Variants in CNTN5 observed in about 807,000 individuals in gnomAD.
The protein encoded by CNTN5 is contactin 5.
In CNTN5, 77 loss-of-function variants were observed where a neutral mutation model predicts 129.1. The ratio of observed to expected loss-of-function variants is 0.60; its 90% CI spans 0.50 to 0.72. The LOEUF (loss-of-function observed/expected upper bound fraction) is 0.72, where lower values mean the gene tolerates loss of function less well. CNTN5 is among the 30% of genes least tolerant of loss of function. The pLI, the probability that CNTN5 is intolerant of heterozygous loss-of-function variation, is 0.00. For missense variants in CNTN5, 1,478 were observed against 1,328.8 expected, an observed-to-expected ratio of 1.11 and a Z score of -1.75; for synonymous variants, 509 against 465.6, an observed-to-expected ratio of 1.09 and a Z score of -1.20.
At chr11:99,879,571 G>A (rs989861565) in intron 6 of CNTN5, among the ~76,000 whole-genome samples, 1 of 152,052 alleles carries the variant, frequency 6.6e-6, no homozygotes, top group African/African-American at 2.4e-5. Flanking sequence ...ATCATACCTA[G>A]TGCGAACTGT....
chr11:99,853,107 T>A (rs1285820966), intron 6 of CNTN5, among the ~76,000 whole-genome samples: 1 of 152,068 alleles, frequency 6.6e-6, no homozygotes, highest in Non-Finnish European at 1.5e-5. Flanking sequence ...TATTCTAAGA[T>A]CATTTCATTC....
intron 1 of CNTN5, among the ~76,000 whole-genome samples, chr11:99,050,205 G>C (rs1358812044): frequency 2.6e-5 from 4 of 151,996 alleles, no homozygotes; most frequent in Non-Finnish European, 4.4e-5. Flanking sequence ...CTGATGAAAT[G>C]TATTGACTGA....
chr11:99,164,514 A>G (rs1316557225), intron 1 of CNTN5, among the ~76,000 whole-genome samples: 1 of 152,164 alleles, frequency 6.6e-6, no homozygotes, highest in East Asian at 1.9e-4. Context: ...TCATTTTTAG[A>G]ACTCCTTCAT....
chr11:99,157,119 T>TA (rs1860375095), intron 1 of CNTN5, among the ~76,000 whole-genome samples: 1 of 152,068 alleles, frequency 6.6e-6, no homozygotes, highest in Non-Finnish European at 1.5e-5. Context: ...TGCTATTTTT[T>TA]ATCTTAAAAG....
chr11:100,315,440 G>A (rs1160933192), intron 21 of CNTN5, among the ~76,000 whole-genome samples: 1 of 152,160 alleles, frequency 6.6e-6, no homozygotes, highest in Non-Finnish European at 1.5e-5. Flanking sequence ...GCTAAGAATA[G>A]TTTTGCAAAA....
At chr11:99,273,228 A>G (rs1484603860) in intron 1 of CNTN5, among the ~76,000 whole-genome samples, 2 of 151,820 alleles carry the variant, frequency 1.3e-5, no homozygotes, top group Admixed American at 1.3e-4. Flanking sequence ...CGGGAAGCCT[A>G]TATTGCCCAT....
chr11:99,213,443 C>CAT (rs1166768539), intron 1 of CNTN5, among the ~76,000 whole-genome samples: 1 of 141,904 alleles, frequency 7.0e-6, no homozygotes, highest in Non-Finnish European at 1.5e-5. Flanking sequence ...TATATATACA[C>CAT]ATATATGTAT....
chr11:100,048,921 A>T (rs1397653943), intron 9 of CNTN5, among the ~76,000 whole-genome samples: 3 of 152,142 alleles, frequency 2.0e-5, no homozygotes, highest in Non-Finnish European at 4.4e-5. Context: ...ACAAAAATAA[A>T]AGGAGAATCT....
intron 2 of CNTN5, among the ~76,000 whole-genome samples, chr11:99,483,106 G>A (rs977845582): frequency 6.8e-6 from 1 of 147,428 alleles, no homozygotes; most frequent in Non-Finnish European, 1.5e-5. Context: ...AACCCGGGAG[G>A]TGGAGCTTGC....
chr11:99,119,260 C>G (rs910502106), intron 1 of CNTN5, among the ~76,000 whole-genome samples: 3 of 152,200 alleles, frequency 2.0e-5, no homozygotes, highest in Middle Eastern at 6.8e-3. Context: ...AGCCTAATAT[C>G]TATTAGTTAT....
intron 16 of CNTN5, among the ~76,000 whole-genome samples, chr11:100,225,874 T>C (rs976121923): frequency 6.6e-6 from 1 of 152,018 alleles, no homozygotes; most frequent in African/African-American, 2.4e-5. Flanking sequence ...ACAGTAAACA[T>C]AAGGCATAGA....
At chr11:99,987,858 C>G (rs1938792083) in intron 8 of CNTN5, among the ~76,000 whole-genome samples, 1 of 152,040 alleles carries the variant, frequency 6.6e-6, no homozygotes, top group Admixed American at 6.6e-5. Context: ...AAATAGTTTT[C>G]TATTATTTAA....
At position 100,071,827 on chromosome 11, in the gene CNTN5, G is replaced by A. The variant is rs193249387; in HGVS notation, c.1422G>A (p.Lys474=). The A allele has an allele frequency of 1.1e-4, 175 of 1,589,272 alleles. 1 individual carries two copies. The Admixed American group carries it at 1.4e-3, about 13-fold the overall frequency. ...CCATTTACGCTAGTGCTGAGCTGAA[G>A]ATTCTAGGTATGCAGTTTCTAAGTG... The part of the protein sequence containing the change: ...YGAIYASAEL[K]ILASAPTFAL... The change falls in exon 12 of 25, where the codon AAG becomes AAA. Residue 474 remains lysine, a synonymous_variant. Transcript: ENST00000524871.
chr11:99,163,568 T>A (rs182297570), intron 1 of CNTN5, among the ~76,000 whole-genome samples: 1,627 of 152,268 alleles, frequency 0.011, 35 homozygotes, highest in Admixed American at 0.06. Context: ...AATGTCATAC[T>A]TTGTTTATAT....
At chr11:99,533,888 G>A (rs1947805252) in intron 2 of CNTN5, among the ~76,000 whole-genome samples, 1 of 152,180 alleles carries the variant, frequency 6.6e-6, no homozygotes, top group Admixed American at 6.5e-5. Flanking sequence ...AAACATTGCA[G>A]GGTCCATACT....
At chr11:99,876,969 T>C (rs1438932126) in intron 6 of CNTN5, among the ~76,000 whole-genome samples, 2 of 152,150 alleles carry the variant, frequency 1.3e-5, no homozygotes, top group Non-Finnish European at 2.9e-5. Flanking sequence ...TTTTAAATGA[T>C]TTTCTCTGTA....
At chr11:99,545,547 G>T (rs370969056) in intron 2 of CNTN5, among the ~76,000 whole-genome samples, 4 of 151,988 alleles carry the variant, frequency 2.6e-5, no homozygotes, top group African/African-American at 9.7e-5. Flanking sequence ...AGAGACCATG[G>T]CCCTAAAATC....
At position 99,553,640 on chromosome 11, in the gene CNTN5, A is replaced by T. The variant is rs1494469; in HGVS notation, c.-70-2505A>T. ...AGATGTCTCATCATAAAAATATGAT[A>T]CGTAAGTGAGGTGATGGATATCTTA... On this transcript the variant is annotated intron_variant, in intron 2 of 24. Transcript: ENST00000524871. Among the ~76,000 whole-genome samples the T allele has an allele frequency of 4.9e-3, 741 of 152,130 alleles. 37 individuals carry two copies. The East Asian group carries it at 0.11, about 23-fold the overall frequency.
intron 2 of CNTN5, among the ~76,000 whole-genome samples, chr11:99,363,340 A>G (rs1176433179): frequency 6.6e-6 from 1 of 152,194 alleles, no homozygotes; most frequent in Non-Finnish European, 1.5e-5. Flanking sequence ...AAAATGTAGA[A>G]TCTGACATAA....
Sources: gnomAD v4.1 joint callset for allele counts (sites outside exome capture counted in the v4.1 genomes callset) on GRCh38, gnomAD v4.1.1 for gene constraint, MANE v1.5 for transcripts, NCBI Gene and HGNC (gene_info 2026-07-23, HGNC 2026-07-21) for gene names.